Variants in RNGTT observed in about 807,000 individuals in gnomAD.
RNGTT encodes mRNA-capping enzyme.
RNGTT carries 33 observed loss-of-function variants against 79.3 expected under a neutral mutation model. The observed-to-expected ratio is 0.42, with a 90% CI of 0.32 to 0.56. The LOEUF (loss-of-function observed/expected upper bound fraction) is 0.56, where lower values mean the gene tolerates loss of function less well. RNGTT is among the 20% of genes least tolerant of loss of function. RNGTT has a pLI of 0.17. For missense variants in RNGTT, 497 were observed against 739.1 expected (o/e 0.67, Z 3.80); for synonymous variants, 222 against 235.9 (o/e 0.94, Z 0.54).
intron 14 of RNGTT, among the ~76,000 whole-genome samples, chr6:88,632,695 G>A (rs770122054): frequency 2.7e-5 from 4 of 150,914 alleles, no homozygotes; most frequent in East Asian, 1.9e-4. Context: ...AATGGATTTC[G>A]AAACCAACCA....
intron 8 of RNGTT, among the ~76,000 whole-genome samples, chr6:88,889,124 A>G (rs1297669223): frequency 6.6e-6 from 1 of 152,214 alleles, no homozygotes; most frequent in African/African-American, 2.4e-5. Flanking sequence ...CTAGGTGATA[A>G]AATTTCTTTT....
In RNGTT at chr6:88,846,670, G is replaced by A. The variant is rs144832969; in HGVS notation, c.1105-2149C>T. Reference sequence around the variant, plus strand: ...AGCTACTCGGAAGGCTGAGGCATGAGAATTGCCTGAACACGGGAGGCAGAG... The same window carrying A: ...AGCTACTCGGAAGGCTGAGGCATGAAAATTGCCTGAACACGGGAGGCAGAG... On this transcript the variant is annotated intron_variant, in intron 10 of 15. Coordinates refer to ENST00000369485, the MANE Select transcript of RNGTT (RefSeq NM_003800.5). Among the ~76,000 whole-genome samples, 109 of 151,830 alleles carry A rather than the reference G, an allele frequency of 7.2e-4. 1 individual carries two copies. In the East Asian group the frequency reaches 0.02, roughly 28 times the overall value.
At chr6:88,844,627 C>T (rs757221475) in intron 10 of RNGTT, 106 bp from the exon 11 acceptor site, 1 of 1,067,772 alleles carries the variant, frequency 9.4e-7, no homozygotes, top group Non-Finnish European at 1.4e-6. Flanking sequence ...AAACAGCATC[C>T]TCTGGAGTTA....
intron 13 of RNGTT, among the ~76,000 whole-genome samples, chr6:88,766,102 C>T (rs944729798): frequency 2.6e-5 from 4 of 152,080 alleles, no homozygotes; most frequent in Non-Finnish European, 5.9e-5. Flanking sequence ...CTGTTCTAAA[C>T]ATTTTACATA....
rs535086512 is a variant in RNGTT at position 88,867,255 on chromosome 6, G to A, written c.897-13491C>T. 1.2e-4 allele frequency among the ~76,000 whole-genome samples: 18 copies of A among 152,202 alleles called. No individual in the cohort carries two copies. The South Asian group carries it at 2.1e-3, about 18-fold the overall frequency. ...CCCAGCACTTTGGGAAGCCAAGGCAGGCAGATTACCTGAGGTCAGGAGTTT... is the reference window on the plus strand; with the variant it reads ...CCCAGCACTTTGGGAAGCCAAGGCAAGCAGATTACCTGAGGTCAGGAGTTT... On this transcript the variant is annotated intron_variant, in intron 8 of 15. Coordinates refer to ENST00000369485, the MANE Select transcript of RNGTT (RefSeq NM_003800.5).
chr6:88,942,929 T>A (rs951650506), intron 1 of RNGTT, among the ~76,000 whole-genome samples: 1 of 152,138 alleles, frequency 6.6e-6, no homozygotes, highest in Non-Finnish European at 1.5e-5. Context: ...TCCAGAATAC[T>A]ATTATATCCT....
At chr6:88,958,071 C>G (rs1785493928) in intron 1 of RNGTT, among the ~76,000 whole-genome samples, 1 of 152,126 alleles carries the variant, frequency 6.6e-6, no homozygotes, top group Non-Finnish European at 1.5e-5. Context: ...AGAAAGAAAG[C>G]CAAACACTTA....
rs547509396 is a variant in RNGTT at position 88,904,606 on chromosome 6, T to C, written c.684+109A>G. On this transcript the variant is annotated intron_variant, in intron 6 of 15. Transcript: ENST00000369485. ...TTTTAGAAAGGGCTAGGATGAATCATCTGACAAACCTAGCTAAAGAAACAT... is the reference window on the plus strand; with the variant it reads ...TTTTAGAAAGGGCTAGGATGAATCACCTGACAAACCTAGCTAAAGAAACAT... 12 of 1,287,998 alleles carry C rather than the reference T, an allele frequency of 9.3e-6. No individual in the cohort carries two copies. In the East Asian group the frequency reaches 3.0e-4, roughly 32 times the overall value. 79.8% of individuals were successfully genotyped at this position (1,287,998 alleles called of 1,614,324 possible).
chr6:88,921,746 T>C (rs895280647), intron 4 of RNGTT, among the ~76,000 whole-genome samples: 14 of 152,100 alleles, frequency 9.2e-5, no homozygotes, highest in South Asian at 6.2e-4. Context: ...TTGGAGTAAA[T>C]TGGCCTTCCT....
rs545177285 is a variant in RNGTT at position 88,665,235 on chromosome 6, G to A, written c.1506+13118C>T. ...GGCCCAGTGGTGGCCAAAAGTATGC[G>A]CAGAAGACAACCCTCCTGGATTGGC... is the stretch of plus-strand genomic sequence containing the variant. On this transcript the variant is annotated intron_variant, in intron 14 of 15. Transcript: ENST00000369485. Among the ~76,000 whole-genome samples the A allele has an allele frequency of 7.2e-5, 11 of 152,258 alleles. No individual in the cohort carries two copies. In the East Asian group the frequency reaches 9.7e-4, roughly 13 times the overall value.
intron 4 of RNGTT, 68 bp downstream of exon 4, chr6:88,928,917 A>C: frequency 8.3e-7 from 1 of 1,211,398 alleles, no homozygotes; most frequent in Non-Finnish European, 1.2e-6. Flanking sequence ...ACTTATTTGC[A>C]AACAAGAAAA....
intron 1 of RNGTT, among the ~76,000 whole-genome samples, chr6:88,949,159 G>GAAAAAAAAAAAAAAAAAAAAAAAAATAA: frequency 2.0e-5 from 1 of 50,514 alleles, no homozygotes; most frequent in Non-Finnish European, 3.9e-5. Flanking sequence ...AAAATAAAAT[G>GAAAAAAAAAAAAAAAAAAAAAAAAATAA]AAAAAAAAAA....
intron 12 of RNGTT, among the ~76,000 whole-genome samples, chr6:88,787,255 A>G (rs1779257512): frequency 6.6e-6 from 1 of 152,216 alleles, no homozygotes; most frequent in Non-Finnish European, 1.5e-5. Context: ...AATATGATAA[A>G]GAAAAAAGTA....
At chr6:88,739,724 A>ATT (rs1190443821) in intron 13 of RNGTT, among the ~76,000 whole-genome samples, 1 of 52,436 alleles carries the variant, frequency 1.9e-5, no homozygotes, top group African/African-American at 6.6e-5. Context: ...TGTGAAAAAA[A>ATT]TTATATATAT....
At chr6:88,934,358 G>A (rs941978584) in intron 2 of RNGTT, among the ~76,000 whole-genome samples, 10 of 152,100 alleles carry the variant, frequency 6.6e-5, no homozygotes, top group African/African-American at 2.4e-4. Flanking sequence ...TCTAACTGGT[G>A]CAAGATGATA....
intron 13 of RNGTT, among the ~76,000 whole-genome samples, chr6:88,679,025 A>G (rs1409646354): frequency 6.6e-6 from 1 of 152,076 alleles, no homozygotes; most frequent in Non-Finnish European, 1.5e-5. Context: ...CGGAGACAGC[A>G]AGACTAACCC....
At chr6:88,647,701 T>TAAAAAAAAAAAAAAAAAAAAAAAAAAA (rs746472579) in intron 14 of RNGTT, among the ~76,000 whole-genome samples, 41 of 100,814 alleles carry the variant, frequency 4.1e-4, no homozygotes, top group South Asian at 1.1e-3. Context: ...GACACCCTGT[T>TAAAAAAAAAAAAAAAAAAAAAAAAAAA]AAAAAAAAAA....
At position 88,863,538 on chromosome 6, in the gene RNGTT, G is replaced by A. The variant is rs190454288; in HGVS notation, c.897-9774C>T. On this transcript the variant is annotated intron_variant, in intron 8 of 15. Transcript: ENST00000369485. ...CAAGCCTTATCAAAGTACCGTGTGT[G>A]CTTATTTCTATTAACAGATTATTAA... Among the ~76,000 whole-genome samples, 45 of 152,260 alleles carry A rather than the reference G, an allele frequency of 3.0e-4. 2 individuals carry two copies. In the East Asian group the frequency reaches 7.3e-3, roughly 25 times the overall value.
chr6:88,813,376 T>A (rs886336495), intron 11 of RNGTT, among the ~76,000 whole-genome samples: 1 of 152,128 alleles, frequency 6.6e-6, no homozygotes, highest in Non-Finnish European at 1.5e-5. Flanking sequence ...AACCTACCAA[T>A]CCCTGAACAC....
Sources: gnomAD v4.1 joint callset for allele counts (sites outside exome capture counted in the v4.1 genomes callset) on GRCh38, gnomAD v4.1.1 for gene constraint, MANE v1.5 for transcripts, NCBI Gene and HGNC (gene_info 2026-07-23, HGNC 2026-07-21) for gene names.